Variants in SFXN5 observed in about 807,000 individuals in gnomAD.
SFXN5 encodes sideroflexin 5, also known as sideroflexin-5.
In SFXN5, 43 loss-of-function variants were observed where a neutral mutation model predicts 50.2. The observed-to-expected ratio is 0.86, with a 90% CI of 0.67 to 1.11. The LOEUF (loss-of-function observed/expected upper bound fraction) is 1.11. SFXN5 is among the 50% of genes least tolerant of loss of function. The probability of loss-of-function intolerance (pLI) is 0.00; values close to 1 mark genes in which losing one functional copy is unlikely to be tolerated. For missense variants in SFXN5, 463 were observed against 454.1 expected (o/e 1.02, Z -0.18); for synonymous variants, 203 against 185.8 (o/e 1.09, Z -0.75).
intron 13 of SFXN5, among the ~76,000 whole-genome samples, chr2:72,955,277 C>CCCGCCCG (rs757630812): frequency 5.9e-5 from 9 of 152,118 alleles, no homozygotes; most frequent in Non-Finnish European, 1.3e-4. Context: ...GGCTCGCTCG[C>CCCGCCCG]CCGCCCGCCG....
intron 2 of SFXN5, among the ~76,000 whole-genome samples, chr2:73,046,324 G>A (rs779826623): frequency 2.0e-5 from 3 of 150,488 alleles, no homozygotes; most frequent in African/African-American, 4.9e-5. Flanking sequence ...CAGGAGAGTC[G>A]CTTGAACCCG....
chr2:72,964,406 A>G (rs115800673), intron 12 of SFXN5, among the ~76,000 whole-genome samples: 2,278 of 152,368 alleles, frequency 0.015, 54 homozygotes, highest in African/African-American at 0.051. Context: ...AAAGAGCAAA[A>G]GAGCTGCTGG....
At chr2:73,017,382 A>G in intron 6 of SFXN5, among the ~76,000 whole-genome samples, 1 of 152,204 alleles carries the variant, frequency 6.6e-6, no homozygotes. Flanking sequence ...TGGAGAAACA[A>G]CTAAAATGGA....
At chr2:72,954,011 G>A (rs1672811935) in intron 13 of SFXN5, among the ~76,000 whole-genome samples, 1 of 152,170 alleles carries the variant, frequency 6.6e-6, no homozygotes, top group Admixed American at 6.5e-5. Flanking sequence ...CCTGAAAGCT[G>A]TAAGTGGGGA....
intron 13 of SFXN5, among the ~76,000 whole-genome samples, chr2:72,957,762 G>A (rs530704747): frequency 1.3e-5 from 2 of 152,366 alleles, no homozygotes; most frequent in East Asian, 3.9e-4. Flanking sequence ...TTGGCTGAAG[G>A]CTTTGGTGCC....
At chr2:73,064,671 T>C (rs985175246) in intron 1 of SFXN5, among the ~76,000 whole-genome samples, 1 of 152,222 alleles carries the variant, frequency 6.6e-6, no homozygotes, top group African/African-American at 2.4e-5. Flanking sequence ...AAGCTCTCCA[T>C]ACCCCAGAGG....
chr2:73,023,759 A>G (rs1017695918), intron 3 of SFXN5, among the ~76,000 whole-genome samples: 1 of 152,198 alleles, frequency 6.6e-6, no homozygotes, highest in African/African-American at 2.4e-5. Context: ...CTCTCAGAGC[A>G]ATGTCAGCAC....
chr2:73,001,603 T>G, intron 6 of SFXN5, 25 bp from the exon 7 acceptor site: 1 of 1,612,938 alleles, frequency 6.2e-7, no homozygotes, highest in South Asian at 1.1e-5. Flanking sequence ...GAAGAAATGC[T>G]GAAAAAGGCA....
intron 9 of SFXN5, among the ~76,000 whole-genome samples, chr2:72,991,376 C>A (rs997359064): frequency 2.6e-5 from 4 of 152,272 alleles, no homozygotes; most frequent in Non-Finnish European, 5.9e-5. Context: ...GAGAGCATGG[C>A]CAACGTGCCT....
chr2:72,962,119 G>A (rs1035527482), intron 12 of SFXN5, among the ~76,000 whole-genome samples: 3 of 152,264 alleles, frequency 2.0e-5, no homozygotes, highest in Admixed American at 6.5e-5. Context: ...AATACAGCAG[G>A]CCCTTCAGCG....
At chr2:73,050,945 G>T (rs1002653527) in intron 2 of SFXN5, among the ~76,000 whole-genome samples, 1 of 152,176 alleles carries the variant, frequency 6.6e-6, no homozygotes, top group Non-Finnish European at 1.5e-5. Flanking sequence ...GAAGCATCCT[G>T]AATGCTTTGC....
chr2:73,057,353 G>T (rs1415745925), intron 2 of SFXN5, among the ~76,000 whole-genome samples: 7 of 152,078 alleles, frequency 4.6e-5, no homozygotes, highest in African/African-American at 1.7e-4. Context: ...GCCCAGGCAG[G>T]TCTCACTATG....
chr2:73,052,017 T>C lies in SFXN5; in HGVS notation c.171+6511A>G, dbSNP rs147853481. Among the ~76,000 whole-genome samples, 668 of 150,474 alleles carry C rather than the reference T, an allele frequency of 4.4e-3. 9 individuals carry two copies. The highest frequency in any genetic ancestry group is 0.015 in the African/African-American group (601 of 41,122). On this transcript the variant is annotated intron_variant, in intron 2 of 13. Transcript: ENST00000272433. ...AAACCATAGCTTATGAACTCACGGA[T>C]TTTTTTTTTAATTTAATGTGTTACA... is the stretch of plus-strand genomic sequence containing the variant.
At chr2:73,064,473 A>G (rs1385705310) in intron 1 of SFXN5, among the ~76,000 whole-genome samples, 1 of 152,254 alleles carries the variant, frequency 6.6e-6, no homozygotes, top group Non-Finnish European at 1.5e-5. Context: ...GCCCAGGAGC[A>G]GCACTAGAAA....
chr2:73,006,274 G>A (rs919721094), intron 6 of SFXN5, among the ~76,000 whole-genome samples: 2 of 152,172 alleles, frequency 1.3e-5, no homozygotes, highest in Non-Finnish European at 2.9e-5. Flanking sequence ...ATGCAGAACT[G>A]CCTCAGTCAA....
At chr2:73,071,516 AC>A in intron 1 of SFXN5, 87 bp downstream of exon 1, 1 of 1,244,674 alleles carries the variant, frequency 8.0e-7, no homozygotes, top group East Asian at 2.6e-5. Context: ...CGGGTGGGAG[AC>A]CCTTGGGCGG....
chr2:72,995,970 G>A (rs1271740441), intron 9 of SFXN5, among the ~76,000 whole-genome samples: 1 of 152,218 alleles, frequency 6.6e-6, no homozygotes, highest in African/African-American at 2.4e-5. Context: ...GATCGGAGGG[G>A]CCTCAAGGCC....
intron 3 of SFXN5, among the ~76,000 whole-genome samples, chr2:73,024,258 G>C (rs541502240): frequency 6.6e-6 from 1 of 152,176 alleles, no homozygotes; most frequent in African/African-American, 2.4e-5. Flanking sequence ...TCCTGACCTC[G>C]TGATCTGCCC....
chr2:72,975,545 C>T (rs947500518), intron 10 of SFXN5, among the ~76,000 whole-genome samples: 1 of 152,158 alleles, frequency 6.6e-6, no homozygotes. Context: ...CTACGATGCA[C>T]CTTCCCATAT....
Sources: allele counts gnomAD v4.1 joint callset (sites outside exome capture counted in the v4.1 genomes callset), GRCh38; gene constraint gnomAD v4.1.1; transcripts MANE v1.5; gene names NCBI Gene and HGNC (gene_info 2026-07-23, HGNC 2026-07-21).